Variants in FGF14 observed in about 807,000 individuals in gnomAD.
The protein encoded by FGF14 is fibroblast growth factor homologous factor 4.
In FGF14, 5 loss-of-function variants were observed where a neutral mutation model predicts 25.5. That is an observed-to-expected ratio of 0.20 (90% CI 0.10 to 0.41). The LOEUF (loss-of-function observed/expected upper bound fraction) is 0.41, where lower values mean the gene tolerates loss of function less well. FGF14 is among the 10% of genes least tolerant of loss of function. FGF14 has a pLI of 1.00. For missense variants in FGF14, 222 were observed against 320.1 expected, an observed-to-expected ratio of 0.69 and a Z score of 2.34; for synonymous variants, 138 against 118.3, an observed-to-expected ratio of 1.17 and a Z score of -1.08.
At chr13:101,887,995 A>T (rs1243163912) in intron 1 of FGF14, among the ~76,000 whole-genome samples, 1 of 152,180 alleles carries the variant, frequency 6.6e-6, no homozygotes, top group Non-Finnish European at 1.5e-5. Context: ...AGAGATGGCC[A>T]AGATGTGGAT....
At chr13:102,267,151 T>TTCA (rs1005191067) in intron 1 of FGF14, among the ~76,000 whole-genome samples, 1 of 152,124 alleles carries the variant, frequency 6.6e-6, no homozygotes, top group African/African-American at 2.4e-5. Context: ...GTAATTTTAT[T>TTCA]TTATTATTAT....
At chr13:102,338,574 C>G (rs1026238293) in intron 1 of FGF14, among the ~76,000 whole-genome samples, 2 of 152,102 alleles carry the variant, frequency 1.3e-5, no homozygotes, top group African/African-American at 4.8e-5. Context: ...TTTGAGAAAG[C>G]CTCCAATTTA....
chr13:101,966,113 A>G (rs2037177052), intron 1 of FGF14, among the ~76,000 whole-genome samples: 1 of 152,218 alleles, frequency 6.6e-6, no homozygotes, highest in Admixed American at 6.5e-5. Context: ...GATAAGTTGA[A>G]GTTTTAAACT....
chr13:101,884,832 C>G (rs940453856), intron 1 of FGF14, among the ~76,000 whole-genome samples: 3 of 149,696 alleles, frequency 2.0e-5, no homozygotes, highest in African/African-American at 7.4e-5. Context: ...TGTCTCCCTG[C>G]CTAATCTTGA....
intron 1 of FGF14, among the ~76,000 whole-genome samples, chr13:101,943,934 G>A (rs539641190): frequency 2.0e-5 from 3 of 149,494 alleles, no homozygotes; most frequent in Admixed American, 6.7e-5. Flanking sequence ...CCCAGGAGGC[G>A]GGGTTGTGGT....
chr13:102,347,497 G>T (rs1206953611), intron 1 of FGF14, among the ~76,000 whole-genome samples: 8 of 152,182 alleles, frequency 5.3e-5, no homozygotes, highest in Non-Finnish European at 4.4e-5. Context: ...CCAGGAGGGG[G>T]CTGAGTTTGT....
At chr13:102,064,539 TA>T (rs780234881) in intron 1 of FGF14, among the ~76,000 whole-genome samples, 13 of 151,790 alleles carry the variant, frequency 8.6e-5, no homozygotes, top group Non-Finnish European at 1.3e-4. Context: ...TAAAACAATA[TA>T]AATATATATT....
intron 1 of FGF14, among the ~76,000 whole-genome samples, chr13:102,196,345 A>T (rs1490278877): frequency 6.6e-6 from 1 of 152,182 alleles, no homozygotes. Flanking sequence ...TGACAGAAGT[A>T]GGCAGGGGTA....
At chr13:102,372,181 G>A (rs1352011654) in intron 1 of FGF14, among the ~76,000 whole-genome samples, 1 of 152,090 alleles carries the variant, frequency 6.6e-6, no homozygotes, top group Non-Finnish European at 1.5e-5. Context: ...AAATAGTAAT[G>A]TATTAGTCTA....
intron 3 of FGF14, among the ~76,000 whole-genome samples, chr13:101,790,618 A>G (rs2040182044): frequency 1.3e-5 from 2 of 152,094 alleles, no homozygotes; most frequent in Admixed American, 6.6e-5. Context: ...GTTAAACACC[A>G]ATTTCCATAA....
chr13:101,992,418 C>CAAA (rs760565430), intron 1 of FGF14, among the ~76,000 whole-genome samples: 21 of 152,056 alleles, frequency 1.4e-4, no homozygotes, highest in Non-Finnish European at 2.5e-4. Flanking sequence ...ACAACAACAA[C>CAAA]AAAGTCATGC....
chr13:101,726,571 G>A, intron 4 of FGF14, 41 bp downstream of exon 4: 3 of 1,558,724 alleles, frequency 1.9e-6, no homozygotes, highest in East Asian at 2.2e-5. Flanking sequence ...AATAAAATAT[G>A]TAATAAGTCT....
At chr13:102,342,904 G>A (rs971717370) in intron 1 of FGF14, among the ~76,000 whole-genome samples, 1 of 152,084 alleles carries the variant, frequency 6.6e-6, no homozygotes, top group African/African-American at 2.4e-5. Flanking sequence ...TCTTCTGTAG[G>A]AATATAAGTA....
At chr13:101,869,037 G>T (rs2044891336) in intron 2 of FGF14, among the ~76,000 whole-genome samples, 1 of 152,164 alleles carries the variant, frequency 6.6e-6, no homozygotes, top group Non-Finnish European at 1.5e-5. Context: ...TTAAATGTGA[G>T]CAGTCTTGCT....
intron 1 of FGF14, among the ~76,000 whole-genome samples, chr13:102,154,093 T>C (rs1430214896): frequency 1.3e-5 from 2 of 152,142 alleles, no homozygotes; most frequent in African/African-American, 4.8e-5. Flanking sequence ...AACAACAATG[T>C]AAATATAGTT....
chr13:101,844,930 G>A, intron 3 of FGF14, among the ~76,000 whole-genome samples: 1 of 151,978 alleles, frequency 6.6e-6, no homozygotes, highest in East Asian at 1.9e-4. Flanking sequence ...TACAGGGACG[G>A]GTTTAAGTCC....
intron 3 of FGF14, among the ~76,000 whole-genome samples, chr13:101,735,927 A>G (rs979669143): frequency 1.3e-5 from 2 of 152,234 alleles, no homozygotes. Flanking sequence ...TACATATGTA[A>G]CAAAATCAAG....
In FGF14 at chr13:102,336,350, A is replaced by C. The variant is rs137949643; in HGVS notation, c.208+65121T>G. Among the ~76,000 whole-genome samples, 273 of 152,340 alleles carry C rather than the reference A, an allele frequency of 1.8e-3. 1 individual carries two copies. The highest frequency in any genetic ancestry group is 6.2e-3 in the African/African-American group (258 of 41,584). On this transcript the variant is annotated intron_variant, in intron 1 of 4. Transcript: ENST00000376131. ...GAGAGAAGATCAAACCAGTCACAAC[A>C]TTCCCGTAAGCCAAAGCCTAATCCA...
chr13:102,034,820 C>A (rs768748205), intron 1 of FGF14, among the ~76,000 whole-genome samples: 15 of 152,086 alleles, frequency 9.9e-5, no homozygotes, highest in Non-Finnish European at 1.6e-4. Flanking sequence ...CCCTTGAGCA[C>A]CTGCTGGAGT....
Sources: gnomAD v4.1 joint callset for allele counts (sites outside exome capture counted in the v4.1 genomes callset) on GRCh38, gnomAD v4.1.1 for gene constraint, MANE v1.5 for transcripts, NCBI Gene and HGNC (gene_info 2026-07-23, HGNC 2026-07-21) for gene names.